Variants in MAGI2 observed in about 807,000 individuals in gnomAD.
MAGI2 encodes membrane associated guanylate kinase, WW and PDZ domain containing 2.
Under a neutral mutation model 133.3 loss-of-function variants are expected in MAGI2, and 35 were observed. The ratio of observed to expected loss-of-function variants is 0.26; its 90% CI spans 0.20 to 0.35. The LOEUF (loss-of-function observed/expected upper bound fraction) is 0.35, where lower values mean the gene tolerates loss of function less well. Ranked by LOEUF, MAGI2 falls within the 10% of genes least tolerant of loss-of-function variation. MAGI2 has a pLI of 1.00. For missense variants in MAGI2, 1,636 were observed against 1,863.4 expected (o/e 0.88, Z 2.25); for synonymous variants, 729 against 710.6 (o/e 1.03, Z -0.41).
chr7:78,083,668 G>T (rs1816306164), intron 20 of MAGI2, among the ~76,000 whole-genome samples: 1 of 152,200 alleles, frequency 6.6e-6, no homozygotes. Context: ...GATAACTGCT[G>T]TGTCTAGGTC....
intron 2 of MAGI2, among the ~76,000 whole-genome samples, chr7:78,967,103 A>C (rs1803383474): frequency 6.6e-6 from 1 of 150,840 alleles, no homozygotes; most frequent in South Asian, 2.1e-4. Context: ...TTGCTGGTCT[A>C]ACTTTTTTTT....
At chr7:78,810,385 A>T (rs1788941584) in intron 2 of MAGI2, among the ~76,000 whole-genome samples, 1 of 152,168 alleles carries the variant, frequency 6.6e-6, no homozygotes. Context: ...GTTAAAAATT[A>T]CAATTACAAC....
chr7:78,742,453 A>G (rs995906384), intron 2 of MAGI2, among the ~76,000 whole-genome samples: 1 of 152,130 alleles, frequency 6.6e-6, no homozygotes, highest in African/African-American at 2.4e-5. Flanking sequence ...TATCTATCCT[A>G]TCGTGTTTTT....
intron 6 of MAGI2, among the ~76,000 whole-genome samples, chr7:78,398,273 A>G (rs1267606088): frequency 9.2e-5 from 14 of 152,154 alleles, no homozygotes; most frequent in Admixed American, 9.2e-4. Flanking sequence ...AAGTGACTCG[A>G]TGGTGAACTC....
chr7:78,430,154 G>GT (rs1428754096), intron 6 of MAGI2, among the ~76,000 whole-genome samples: 2 of 148,708 alleles, frequency 1.3e-5, no homozygotes, highest in Admixed American at 1.3e-4. Context: ...TTTTTAACAA[G>GT]TTCTCAGGTG....
chr7:79,103,764 A>T (rs1233220753), intron 1 of MAGI2, among the ~76,000 whole-genome samples: 2 of 151,928 alleles, frequency 1.3e-5, no homozygotes, highest in Non-Finnish European at 2.9e-5. Context: ...CAGTGGCGCA[A>T]TCTTGGCTCA....
In MAGI2 at chr7:78,995,538, C is replaced by T. The variant is rs544051922; in HGVS notation, c.418+11552G>A. Among the ~76,000 whole-genome samples the T allele has an allele frequency of 1.0e-3, 157 of 152,224 alleles. 1 individual carries two copies. Among genetic ancestry groups the T allele is most frequent in the African/African-American group, 3.7e-3 (152 of 41,550 alleles). On this transcript the variant is annotated intron_variant, in intron 2 of 21. Transcript: ENST00000354212. ...TGAAGCTAGTCAGTCAATCGACCTT[C>T]ACTCAAAAACTTCCCTGATAATTAT...
At chr7:78,636,913 A>T (rs114224872) in intron 2 of MAGI2, among the ~76,000 whole-genome samples, 1,855 of 152,326 alleles carry the variant, frequency 0.012, 39 homozygotes, top group African/African-American at 0.042. Flanking sequence ...CACTCCCCAG[A>T]GTCTCTGAGT....
At chr7:78,524,049 A>G (rs968340906) in intron 3 of MAGI2, among the ~76,000 whole-genome samples, 1 of 77,428 alleles carries the variant, frequency 1.3e-5, no homozygotes, top group Non-Finnish European at 2.5e-5. Context: ...ACTCATTTCT[A>G]GGGAAAAAAA....
chr7:78,923,914 C>G (rs1799471417), intron 2 of MAGI2, among the ~76,000 whole-genome samples: 1 of 152,090 alleles, frequency 6.6e-6, no homozygotes, highest in African/African-American at 2.4e-5. Flanking sequence ...TTTCACGTCC[C>G]TTGTAAGTTG....
chr7:79,367,415 T>A (rs138582958), intron 1 of MAGI2, among the ~76,000 whole-genome samples: 98 of 152,264 alleles, frequency 6.4e-4, no homozygotes, highest in South Asian at 3.7e-3. Context: ...GGAGTGATTT[T>A]GGAGGGTGGA....
chr7:78,864,018 G>A lies in MAGI2; in HGVS notation c.418+143072C>T, dbSNP rs1584201171. Among the ~76,000 whole-genome samples the A allele has an allele frequency of 1.3e-5, 2 of 152,086 alleles. 1 individual carries two copies. The highest frequency in any genetic ancestry group is 3.8e-4 in the East Asian group (2 of 5,204). On this transcript the variant is annotated intron_variant, in intron 2 of 21. Transcript: ENST00000354212. The stretch of plus-strand genomic sequence containing the variant: ...ATTTGATGGGAAAAAGCTGTACAAG[G>A]TAAGAGTTAAGCTTTTGATTTAATC...
intron 1 of MAGI2, among the ~76,000 whole-genome samples, chr7:79,130,759 A>G (rs1820863396): frequency 6.6e-6 from 1 of 152,178 alleles, no homozygotes; most frequent in African/African-American, 2.4e-5. Flanking sequence ...TGTGCTAGAG[A>G]CTGTACTAAG....
intron 1 of MAGI2, among the ~76,000 whole-genome samples, chr7:79,322,711 G>A (rs1029665694): frequency 2.0e-5 from 3 of 151,386 alleles, no homozygotes; most frequent in African/African-American, 4.9e-5. Context: ...GCTTGAACCC[G>A]GGAGGCAGAG....
chr7:78,550,214 G>C (rs1042673845), intron 3 of MAGI2, among the ~76,000 whole-genome samples: 1 of 152,154 alleles, frequency 6.6e-6, no homozygotes, highest in African/African-American at 2.4e-5. Context: ...TTTTGTTATA[G>C]CAGCCTGAAT....
intron 3 of MAGI2, among the ~76,000 whole-genome samples, chr7:78,549,813 A>C (rs1178571812): frequency 6.6e-6 from 1 of 152,196 alleles, no homozygotes; most frequent in Non-Finnish European, 1.5e-5. Flanking sequence ...ATCCTTTAAT[A>C]AGGGCCTATT....
At chr7:78,705,353 TG>T (rs529209779) in intron 2 of MAGI2, among the ~76,000 whole-genome samples, 8 of 152,146 alleles carry the variant, frequency 5.3e-5, no homozygotes, top group Non-Finnish European at 1.2e-4. Flanking sequence ...GTGCCATGGT[TG>T]TAATTTTCCT....
chr7:78,178,790 C>T (rs567326201), intron 13 of MAGI2, among the ~76,000 whole-genome samples: 32 of 151,864 alleles, frequency 2.1e-4, no homozygotes, highest in Non-Finnish European at 2.5e-4. Context: ...CTTTTATCAC[C>T]GAAACATTTT....
At chr7:79,409,872 G>A (rs1039558768) in intron 1 of MAGI2, 3 of 152,012 alleles carry the variant, frequency 2.0e-5, no homozygotes, top group Non-Finnish European at 4.4e-5. Flanking sequence ...GAAAACAAAG[G>A]ATAACATTTC....
Sources: gnomAD v4.1 joint callset for allele counts (sites outside exome capture counted in the v4.1 genomes callset) on GRCh38, gnomAD v4.1.1 for gene constraint, MANE v1.5 for transcripts, NCBI Gene and HGNC (gene_info 2026-07-23, HGNC 2026-07-21) for gene names.